Variants in BCAR3 observed in about 807,000 individuals in gnomAD.
BCAR3 encodes BCAR3 adaptor protein, NSP family member.
Under a neutral mutation model 80.1 loss-of-function variants are expected in BCAR3, and 37 were observed. That is an observed-to-expected ratio of 0.46 (90% CI 0.36 to 0.61). The LOEUF is 0.61. Among genes scored for constraint, BCAR3 ranks in the 20% least tolerant of loss-of-function variants. The pLI is 0.00. For missense variants in BCAR3, 978 were observed against 1,068.2 expected, an observed-to-expected ratio of 0.92 and a Z score of 1.18; for synonymous variants, 389 against 418.9, an observed-to-expected ratio of 0.93 and a Z score of 0.87.
At chr1:93,776,267 G>C (rs1652542925) in intron 2 of BCAR3, among the ~76,000 whole-genome samples, 1 of 152,124 alleles carries the variant, frequency 6.6e-6, no homozygotes, top group Non-Finnish European at 1.5e-5. Context: ...ATGAAGCAGA[G>C]ATAATAATAT....
intron 2 of BCAR3, among the ~76,000 whole-genome samples, chr1:93,711,468 T>C (rs1332605222): frequency 6.6e-6 from 1 of 152,074 alleles, no homozygotes; most frequent in Non-Finnish European, 1.5e-5. Flanking sequence ...AATGGATAGG[T>C]ATGAGGCCTC....
chr1:93,667,299 G>A (rs546304421), intron 2 of BCAR3, among the ~76,000 whole-genome samples: 10 of 152,346 alleles, frequency 6.6e-5, no homozygotes, highest in Admixed American at 2.6e-4. Flanking sequence ...CCTGCTCAAC[G>A]CAGATTCCCA....
At chr1:93,771,933 C>T (rs115362771) in intron 2 of BCAR3, among the ~76,000 whole-genome samples, 116 of 152,320 alleles carry the variant, frequency 7.6e-4, no homozygotes, top group African/African-American at 2.5e-3. Context: ...ACCAGAGATA[C>T]TATTTGTGCC....
At chr1:93,784,613 TCTC>T (rs1652878565) in intron 2 of BCAR3, among the ~76,000 whole-genome samples, 1 of 152,220 alleles carries the variant, frequency 6.6e-6, no homozygotes, top group Admixed American at 6.5e-5. Context: ...GGCTGGAGCT[TCTC>T]TAGTGGGCTT....
chr1:93,786,432 G>T (rs1342406837), intron 2 of BCAR3, among the ~76,000 whole-genome samples: 1 of 152,136 alleles, frequency 6.6e-6, no homozygotes, highest in Admixed American at 6.5e-5. Flanking sequence ...GGGTCCTCCA[G>T]CTCCCATTTA....
chr1:93,819,128 G>A (rs903958369), intron 2 of BCAR3, among the ~76,000 whole-genome samples: 8 of 151,344 alleles, frequency 5.3e-5, no homozygotes, highest in African/African-American at 1.9e-4. Context: ...GTGCAGTGGT[G>A]TAATCTCGGC....
chr1:93,638,915 C>A (rs1310363881), intron 3 of BCAR3, among the ~76,000 whole-genome samples: 1 of 152,168 alleles, frequency 6.6e-6, no homozygotes, highest in African/African-American at 2.4e-5. Flanking sequence ...AAAATTCTCT[C>A]CTGTAAGTGC....
intron 3 of BCAR3, among the ~76,000 whole-genome samples, chr1:93,697,776 C>T (rs903229239): frequency 6.6e-6 from 1 of 152,020 alleles, no homozygotes; most frequent in Non-Finnish European, 1.5e-5. Context: ...GTCAGGAGTT[C>T]GACACCAGCC....
chr1:93,767,460 G>A (rs1652194707), intron 2 of BCAR3, among the ~76,000 whole-genome samples: 3 of 151,392 alleles, frequency 2.0e-5, no homozygotes, highest in Admixed American at 6.6e-5. Flanking sequence ...GGAAGTTGAG[G>A]CTGCAGTGAG....
At chr1:93,756,092 G>A (rs2100717954) in intron 2 of BCAR3, among the ~76,000 whole-genome samples, 1 of 152,272 alleles carries the variant, frequency 6.6e-6, no homozygotes, top group South Asian at 2.1e-4. Context: ...GTGGAGAACT[G>A]CCAATAGCAC....
At chr1:93,738,765 G>A (rs889520770) in intron 2 of BCAR3, among the ~76,000 whole-genome samples, 7 of 152,188 alleles carry the variant, frequency 4.6e-5, no homozygotes, top group Admixed American at 2.0e-4. Context: ...AGGGTGGGGC[G>A]GGGGGTGCCA....
At chr1:93,658,961 C>A (rs1647523218) in intron 2 of BCAR3, among the ~76,000 whole-genome samples, 1 of 152,184 alleles carries the variant, frequency 6.6e-6, no homozygotes, top group Non-Finnish European at 1.5e-5. Flanking sequence ...CCAACCCATG[C>A]ACCAGGGTAT....
intron 2 of BCAR3, among the ~76,000 whole-genome samples, chr1:93,802,196 G>A (rs1653502411): frequency 6.6e-6 from 1 of 151,792 alleles, no homozygotes; most frequent in Admixed American, 6.6e-5. Context: ...TGTAGTCCCA[G>A]GTACTCAAGA....
intron 2 of BCAR3, among the ~76,000 whole-genome samples, chr1:93,772,001 A>G (rs1415047073): frequency 6.6e-6 from 1 of 152,202 alleles, no homozygotes; most frequent in South Asian, 2.1e-4. Context: ...CTTGGCAAGA[A>G]GGTGAGTTAT....
Position 93,726,160 on chromosome 1 carries a change from G to A in BCAR3, c.-62-20018C>T, listed in dbSNP as rs1281275366. Among the ~76,000 whole-genome samples the A allele has an allele frequency of 2.0e-5, 3 of 152,088 alleles. No homozygotes were observed. In the East Asian group the frequency reaches 5.8e-4, roughly 29 times the overall value. Reference sequence around the variant, plus strand: ...GCTCAATGCAGCCTTAACCTCCTAGGCTCCAGCGGTTCTCCCACCTCAGCC... The same window carrying A: ...GCTCAATGCAGCCTTAACCTCCTAGACTCCAGCGGTTCTCCCACCTCAGCC... On this transcript the variant is annotated intron_variant, in intron 2 of 13. Coordinates refer to the BCAR3 transcript ENST00000370244.
At chr1:93,621,110 C>T (rs1042238217) in intron 3 of BCAR3, among the ~76,000 whole-genome samples, 4 of 152,254 alleles carry the variant, frequency 2.6e-5, no homozygotes, top group African/African-American at 9.6e-5. Context: ...GGAGTAACCC[C>T]ACCCATTCCA....
chr1:93,804,841 T>G (rs541420995), intron 2 of BCAR3, among the ~76,000 whole-genome samples: 1 of 152,332 alleles, frequency 6.6e-6, no homozygotes, highest in Non-Finnish European at 1.5e-5. Flanking sequence ...TTAGCCATCA[T>G]GGATAGAATA....
At chr1:93,668,394 A>G (rs1303935195) in intron 2 of BCAR3, among the ~76,000 whole-genome samples, 1 of 152,188 alleles carries the variant, frequency 6.6e-6, no homozygotes, top group African/African-American at 2.4e-5. Context: ...TCAACCCAGG[A>G]GCAGCGCAAG....
At chr1:93,827,928 T>C (rs1654425213) in intron 2 of BCAR3, among the ~76,000 whole-genome samples, 1 of 152,106 alleles carries the variant, frequency 6.6e-6, no homozygotes, top group Non-Finnish European at 1.5e-5. Context: ...TCTGACCTTC[T>C]CCCACCCTCA....
Sources: allele counts gnomAD v4.1 joint callset (sites outside exome capture counted in the v4.1 genomes callset), GRCh38; gene constraint gnomAD v4.1.1; transcripts MANE v1.5; gene names NCBI Gene and HGNC (gene_info 2026-07-23, HGNC 2026-07-21).